Variants in CD2AP observed in about 807,000 individuals in gnomAD.
The protein encoded by CD2AP is CD2 associated protein.
A neutral mutation model predicts 85.1 loss-of-function variants in CD2AP; 46 were observed. That is an observed-to-expected ratio of 0.54 (90% CI 0.43 to 0.69). The LOEUF (loss-of-function observed/expected upper bound fraction) is 0.69. CD2AP is among the 30% of genes least tolerant of loss of function. The pLI is 0.00. For synonymous variants in CD2AP, 255 were observed against 252.9 expected (o/e 1.01, Z -0.08); for missense variants, 769 against 729.5 (o/e 1.05, Z -0.62).
intron 5 of CD2AP, among the ~76,000 whole-genome samples, chr6:47,556,883 C>T (rs990022087): frequency 2.6e-5 from 4 of 152,094 alleles, no homozygotes; most frequent in Non-Finnish European, 5.9e-5. Flanking sequence ...AGTTCTAGAT[C>T]CTTGAGGAAT....
intron 1 of CD2AP, among the ~76,000 whole-genome samples, chr6:47,485,173 T>G (rs1479739988): frequency 6.6e-6 from 1 of 152,198 alleles, no homozygotes; most frequent in Non-Finnish European, 1.5e-5. Flanking sequence ...AGAGTACATC[T>G]TCTACTTATT....
intron 2 of CD2AP, among the ~76,000 whole-genome samples, chr6:47,516,913 GT>G (rs1238699552): frequency 2.6e-5 from 4 of 152,130 alleles, no homozygotes; most frequent in Admixed American, 6.5e-5. Flanking sequence ...CAATTCTATA[GT>G]TTTTTATTTC....
chr6:47,543,495 C>T (rs937924508), intron 3 of CD2AP, among the ~76,000 whole-genome samples: 4 of 152,160 alleles, frequency 2.6e-5, no homozygotes, highest in African/African-American at 9.7e-5. Context: ...TTTATCTTCT[C>T]ACAGTTTTGG....
In CD2AP at chr6:47,577,006, C is replaced by T; in HGVS notation, c.809-3C>T. On this transcript the variant is annotated splice_polypyrimidine_tract_variant and splice_region_variant and intron_variant, in intron 7 of 17. Coordinates refer to ENST00000359314, the MANE Select transcript of CD2AP (RefSeq NM_012120.3). Reference sequence around the variant, plus strand: ...GCCACATTATTTACATTCTTTATTTCAGCTAAAGAATATTGTAGAACATTA... The same window carrying T: ...GCCACATTATTTACATTCTTTATTTTAGCTAAAGAATATTGTAGAACATTA... The T allele has an allele frequency of 2.2e-6, 3 of 1,359,644 alleles. No homozygotes were observed. The highest frequency in any genetic ancestry group is 3.2e-6 in the Non-Finnish European group (3 of 948,294). The allele number at this position is 1,359,644 out of a possible 1,614,324, so 84.2% of individuals were successfully genotyped here. A position where few individuals can be genotyped will look rare whatever the true frequency, so the allele number is the denominator to read the frequency against.
At chr6:47,480,693 T>C (rs1393405651) in intron 1 of CD2AP, among the ~76,000 whole-genome samples, 2 of 152,212 alleles carry the variant, frequency 1.3e-5, no homozygotes, top group African/African-American at 4.8e-5. Flanking sequence ...GTGGTGATTT[T>C]CATTTTCAAA....
Position 47,614,108 on chromosome 6 carries a change from C to G in CD2AP, c.1878+1572C>G, listed in dbSNP as rs752168118. 3.9e-5 allele frequency among the ~76,000 whole-genome samples: 6 copies of G among 152,302 alleles called. No individual in the cohort carries two copies. The South Asian group carries it at 1.2e-3, about 32-fold the overall frequency. On this transcript the variant is annotated intron_variant, in intron 17 of 17. Transcript: ENST00000359314. ...GGTTAGATCTGCTATCTAGACCACT[C>G]AAACTTTCCTTCATATCAACAATAA...
intron 13 of CD2AP, among the ~76,000 whole-genome samples, chr6:47,600,950 C>T (rs887943902): frequency 2.6e-5 from 4 of 151,688 alleles, no homozygotes; most frequent in Non-Finnish European, 5.9e-5. Flanking sequence ...TTGATGGAGT[C>T]CCTTTGGGAA....
intron 5 of CD2AP, among the ~76,000 whole-genome samples, chr6:47,573,439 C>T (rs1768209560): frequency 6.7e-6 from 1 of 148,568 alleles, no homozygotes; most frequent in Admixed American, 6.7e-5. Context: ...GTTTGTCTCA[C>T]ATTATATCAT....
chr6:47,495,022 G>A (rs1765823878), intron 1 of CD2AP, among the ~76,000 whole-genome samples: 1 of 152,052 alleles, frequency 6.6e-6, no homozygotes, highest in African/African-American at 2.4e-5. Context: ...AATTAGCCAT[G>A]CATGGTGGTG....
rs770411520 is a variant in CD2AP, at chr6:47,576,507, A to AT, written c.730-10dup. ...ATTCTATCTTAAAATAGTTTATGCC[A>AT]TTTTTTTCTATTCTAGCCCTTAATC... On this transcript the variant is annotated splice_polypyrimidine_tract_variant and intron_variant, in intron 6 of 17. Coordinates refer to ENST00000359314, the MANE Select transcript of CD2AP (RefSeq NM_012120.3). 6.0e-5 allele frequency: 94 copies of AT among 1,560,864 alleles called. No individual in the cohort carries two copies. The African/African-American group carries it at 8.1e-4, about 14-fold the overall frequency.
intron 1 of CD2AP, among the ~76,000 whole-genome samples, chr6:47,490,183 A>AT (rs373461966): frequency 6.6e-6 from 1 of 152,242 alleles, no homozygotes; most frequent in East Asian, 1.9e-4. Flanking sequence ...GGGTCTTGCC[A>AT]TATTGCCCAG....
At chr6:47,552,181 AGGT>A (rs143401136) in intron 4 of CD2AP, among the ~76,000 whole-genome samples, 2,269 of 152,108 alleles carry the variant, frequency 0.015, 214 homozygotes, top group Admixed American at 0.14. Context: ...TTTGGGGAAC[AGGT>A]GGTGTTTGGT....
At chr6:47,586,259 T>TA (rs1035112024) in intron 11 of CD2AP, among the ~76,000 whole-genome samples, 2 of 151,944 alleles carry the variant, frequency 1.3e-5, no homozygotes, top group Non-Finnish European at 2.9e-5. Flanking sequence ...AAAAGAATAA[T>TA]ACAGTATCTG....
chr6:47,550,492 A>G, intron 4 of CD2AP, among the ~76,000 whole-genome samples: 1 of 152,164 alleles, frequency 6.6e-6, no homozygotes, highest in East Asian at 1.9e-4. Flanking sequence ...CAAAACCACA[A>G]TGTGATACCA....
intron 4 of CD2AP, among the ~76,000 whole-genome samples, chr6:47,553,513 A>ATTTTTTTTTTTT (rs148273065): frequency 1.5e-3 from 169 of 110,474 alleles, no homozygotes; most frequent in East Asian, 1.9e-3. Flanking sequence ...CACCTAGTGA[A>ATTTTTTTTTTTT]TTTTTTTTTT....
chr6:47,527,727 T>C (rs192448330), intron 2 of CD2AP, among the ~76,000 whole-genome samples: 4 of 152,296 alleles, frequency 2.6e-5, no homozygotes, highest in African/African-American at 9.6e-5. Flanking sequence ...GAGTGATACC[T>C]GCAGATTAGT....
At chr6:47,490,464 G>A (rs1765706453) in intron 1 of CD2AP, among the ~76,000 whole-genome samples, 1 of 152,068 alleles carries the variant, frequency 6.6e-6, no homozygotes, top group South Asian at 2.1e-4. Flanking sequence ...TTTTCTTGAA[G>A]TTAATAGTGG....
chr6:47,615,796 T>TTAATTA (rs1561834863), intron 17 of CD2AP, among the ~76,000 whole-genome samples: 29 of 121,540 alleles, frequency 2.4e-4, no homozygotes, highest in African/African-American at 7.5e-4. Context: ...TAATTTAATT[T>TTAATTA]ATTTATTTAT....
At chr6:47,498,826 A>G (rs1016582475) in intron 1 of CD2AP, among the ~76,000 whole-genome samples, 1 of 152,202 alleles carries the variant, frequency 6.6e-6, no homozygotes, top group African/African-American at 2.4e-5. Context: ...TTAGATGTAT[A>G]GTACAAATCA....
Sources: allele counts gnomAD v4.1 joint callset (sites outside exome capture counted in the v4.1 genomes callset), GRCh38; gene constraint gnomAD v4.1.1; transcripts MANE v1.5; gene names NCBI Gene and HGNC (gene_info 2026-07-23, HGNC 2026-07-21).